Variants in CPEB1 observed in about 807,000 individuals in gnomAD.
CPEB1 encodes the protein cytoplasmic polyadenylation element binding protein 1, also known as cytoplasmic polyadenylation element-binding protein 1.
In CPEB1, 7 loss-of-function variants were observed where a neutral mutation model predicts 65.8. That is an observed-to-expected ratio of 0.11 (90% CI 0.06 to 0.20). The LOEUF (loss-of-function observed/expected upper bound fraction) is 0.20. CPEB1 is among the 10% of genes least tolerant of loss of function. The pLI is 1.00. For synonymous variants in CPEB1, 262 were observed against 260.0 expected (o/e 1.01, Z -0.08); for missense variants, 551 against 712.2 (o/e 0.77, Z 2.58).
At chr15:82,583,916 C>T (rs1347800353) in intron 3 of CPEB1, among the ~76,000 whole-genome samples, 1 of 152,022 alleles carries the variant, frequency 6.6e-6, no homozygotes, top group African/African-American at 2.4e-5. Flanking sequence ...CTATTGATAC[C>T]AAATTATTAG....
At chr15:82,612,342 CA>C (rs1253270915) in intron 3 of CPEB1, among the ~76,000 whole-genome samples, 2 of 151,518 alleles carry the variant, frequency 1.3e-5, no homozygotes, top group Admixed American at 6.6e-5. Context: ...ACTAAAAATA[CA>C]AAAATTAGCC....
At chr15:82,579,917 TCAAAAAAAAAAAAAAAAAAA>T (rs1208049673) in intron 3 of CPEB1, among the ~76,000 whole-genome samples, 1 of 28,890 alleles carries the variant, frequency 3.5e-5, no homozygotes, top group African/African-American at 1.4e-4. Context: ...AGACTCCGTC[TCAAAAAAAAAAAAAAAAAAA>T]AAAAAAAAAA....
chr15:82,630,093 C>T (rs1010549599), intron 1 of CPEB1: 8 of 985,238 alleles, frequency 8.1e-6, no homozygotes, highest in South Asian at 9.4e-5. Flanking sequence ...TTCATGAAGG[C>T]TAAGATGCAA....
At chr15:82,555,817 C>G (rs1474220178) in intron 6 of CPEB1, 53 bp downstream of exon 6, 2 of 1,573,296 alleles carry the variant, frequency 1.3e-6, no homozygotes, top group South Asian at 1.2e-5. Context: ...GTCACTTCCT[C>G]TCTGCTCCCA....
At chr15:82,595,689 CTTGA>C (rs2042613817) in intron 3 of CPEB1, among the ~76,000 whole-genome samples, 2 of 152,160 alleles carry the variant, frequency 1.3e-5, no homozygotes, top group African/African-American at 4.8e-5. Flanking sequence ...TTTAATTGTG[CTTGA>C]TTATTTGAAG....
chr15:82,554,017 C>T (rs571381432), intron 6 of CPEB1, 26 bp from the exon 7 acceptor site: 2 of 1,426,252 alleles, frequency 1.4e-6, no homozygotes, highest in African/African-American at 2.9e-5. Flanking sequence ...AAGAGATAAA[C>T]AGGGGAGGTT....
intron 3 of CPEB1, among the ~76,000 whole-genome samples, chr15:82,597,762 A>C (rs2042774407): frequency 6.6e-6 from 1 of 152,118 alleles, no homozygotes; most frequent in Non-Finnish European, 1.5e-5. Context: ...AATTTCTTTT[A>C]ATTCCTGTTC....
At position 82,568,066 on chromosome 15, in the gene CPEB1, A is replaced by C. The variant is rs183022066; in HGVS notation, c.460+3278T>G. Among the ~76,000 whole-genome samples, 4 of 152,288 alleles carry C rather than the reference A, an allele frequency of 2.6e-5. No individual in the cohort carries two copies. The East Asian group carries it at 7.7e-4, about 29-fold the overall frequency. On this transcript the variant is annotated intron_variant, in intron 4 of 12. Transcript: ENST00000684509. Reference sequence around the variant, plus strand: ...TTTAAGTTTTCTCACCCAATATGTTAGAGTTCTGCTAACAGGACCACAGGT... The same window carrying C: ...TTTAAGTTTTCTCACCCAATATGTTCGAGTTCTGCTAACAGGACCACAGGT...
intron 3 of CPEB1, among the ~76,000 whole-genome samples, chr15:82,589,493 T>C (rs914392365): frequency 2.6e-5 from 4 of 152,162 alleles, no homozygotes; most frequent in Non-Finnish European, 5.9e-5. Flanking sequence ...CCTGTAATCC[T>C]AGCACTTTGG....
intron 3 of CPEB1, among the ~76,000 whole-genome samples, chr15:82,582,183 T>TC (rs1218187365): frequency 6.6e-6 from 1 of 152,198 alleles, no homozygotes; most frequent in Non-Finnish European, 1.5e-5. Flanking sequence ...AGTGATTCCT[T>TC]CCTATTCTAT....
chr15:82,590,049 G>T (rs568886163), intron 3 of CPEB1, among the ~76,000 whole-genome samples: 1 of 152,116 alleles, frequency 6.6e-6, no homozygotes, highest in African/African-American at 2.4e-5. Flanking sequence ...GACAACTTTT[G>T]CTTCTACTCC....
intron 3 of CPEB1, among the ~76,000 whole-genome samples, chr15:82,612,494 C>G (rs1160490955): frequency 1.9e-5 from 2 of 105,690 alleles, no homozygotes; most frequent in African/African-American, 7.9e-5. Flanking sequence ...GAGAGTCTGT[C>G]CAAAAAAAAA....
At chr15:82,641,484 G>A (rs1399563039) in intron 1 of CPEB1, 1 of 152,170 alleles carries the variant, frequency 6.6e-6, no homozygotes, top group Non-Finnish European at 1.5e-5. Context: ...GTAGGAAGTG[G>A]GGCTAAATCT....
chr15:82,575,669 A>G (rs997160217), intron 3 of CPEB1, among the ~76,000 whole-genome samples: 6 of 152,178 alleles, frequency 3.9e-5, no homozygotes, highest in African/African-American at 1.4e-4. Context: ...ATAAATGGCC[A>G]ATAAGAACTT....
At chr15:82,569,509 G>C (rs756624518) in intron 4 of CPEB1, among the ~76,000 whole-genome samples, 4 of 152,236 alleles carry the variant, frequency 2.6e-5, no homozygotes, top group African/African-American at 4.8e-5. Flanking sequence ...GCTTGGGATG[G>C]AAAGTGGAAA....
intron 3 of CPEB1, among the ~76,000 whole-genome samples, chr15:82,593,165 G>C (rs758107137): frequency 2.0e-5 from 3 of 152,130 alleles, no homozygotes; most frequent in Admixed American, 2.0e-4. Context: ...GATGTTTGCC[G>C]CATAGTTCGA....
intron 10 of CPEB1, among the ~76,000 whole-genome samples, chr15:82,548,062 C>T (rs973715107): frequency 1.3e-5 from 2 of 152,144 alleles, no homozygotes; most frequent in Non-Finnish European, 2.9e-5. Context: ...ATTGGCCGGG[C>T]ACGGTGGCTC....
At chr15:82,632,993 A>G (rs958893643) in intron 1 of CPEB1, among the ~76,000 whole-genome samples, 3 of 152,222 alleles carry the variant, frequency 2.0e-5, no homozygotes, top group African/African-American at 7.2e-5. Flanking sequence ...TTTTACCATG[A>G]TAAAAAATGT....
intron 3 of CPEB1, among the ~76,000 whole-genome samples, chr15:82,576,341 T>A (rs2040644448): frequency 6.6e-6 from 1 of 152,210 alleles, no homozygotes; most frequent in African/African-American, 2.4e-5. Flanking sequence ...GCTGAGGTGA[T>A]GCTAACAGTG....
Sources: allele counts gnomAD v4.1 joint callset (sites outside exome capture counted in the v4.1 genomes callset), GRCh38; gene constraint gnomAD v4.1.1; transcripts MANE v1.5; gene names NCBI Gene and HGNC (gene_info 2026-07-23, HGNC 2026-07-21).